Variants in PTH2R observed in about 807,000 individuals in gnomAD.
PTH2R encodes the protein parathyroid hormone 2 receptor.
A neutral mutation model predicts 60.3 loss-of-function variants in PTH2R; 59 were observed. The observed-to-expected ratio is 0.98, with a 90% CI of 0.79 to 1.22. PTH2R has a LOEUF of 1.22. Among genes scored for constraint, PTH2R ranks in the 50% most tolerant of loss-of-function variants. The pLI is 0.00. For missense variants in PTH2R, 749 were observed against 682.6 expected (o/e 1.10, Z -1.08); for synonymous variants, 256 against 243.8 (o/e 1.05, Z -0.47).
At chr2:208,377,485 C>T (rs1472076049) in intron 1 of PTH2R, among the ~76,000 whole-genome samples, 2 of 145,976 alleles carry the variant, frequency 1.4e-5, no homozygotes, top group Admixed American at 6.9e-5. Context: ...GATGGGGCGG[C>T]GGCTGGGTGG....
chr2:208,404,636 A>G (rs1437919680), upstream of PTH2R, among the ~76,000 whole-genome samples: 1 of 152,180 alleles, frequency 6.6e-6, no homozygotes, highest in Non-Finnish European at 1.5e-5. Flanking sequence ...GTTATTAGTA[A>G]TAACAACCTT....
At chr2:208,430,546 CTTT>C (rs760898660) in intron 2 of PTH2R, among the ~76,000 whole-genome samples, 1 of 118,220 alleles carries the variant, frequency 8.5e-6, no homozygotes, top group Non-Finnish European at 1.8e-5. Context: ...TGTCTGGCTT[CTTT>C]TTTTTTTTTT....
chr2:208,387,318 T>G (rs566904986), intron 1 of PTH2R, among the ~76,000 whole-genome samples: 34 of 152,342 alleles, frequency 2.2e-4, no homozygotes, highest in African/African-American at 7.7e-4. Flanking sequence ...AAACATGGTT[T>G]ATTTAAATCA....
intron 10 of PTH2R, among the ~76,000 whole-genome samples, chr2:208,488,071 A>T (rs1256480745): frequency 6.6e-6 from 1 of 152,230 alleles, no homozygotes; most frequent in Admixed American, 6.5e-5. Context: ...CCCACTTAGA[A>T]TAACCATCAT....
chr2:208,456,828 T>C (rs1327735127), intron 8 of PTH2R, among the ~76,000 whole-genome samples: 1 of 152,240 alleles, frequency 6.6e-6, no homozygotes, highest in Non-Finnish European at 1.5e-5. Context: ...AAGAATTAAC[T>C]AAAAACAAGC....
intron 1 of PTH2R, among the ~76,000 whole-genome samples, chr2:208,377,126 G>C (rs1408089398): frequency 6.6e-6 from 1 of 151,930 alleles, no homozygotes; most frequent in African/African-American, 2.4e-5. Flanking sequence ...CATCTTGCAT[G>C]GCCCTTAATC....
At chr2:208,389,125 C>T (rs1016182459) in intron 1 of PTH2R, among the ~76,000 whole-genome samples, 4 of 151,796 alleles carry the variant, frequency 2.6e-5, no homozygotes, top group Non-Finnish European at 4.4e-5. Flanking sequence ...CACAGTCAAG[C>T]TACAGGAAAA....
chr2:208,362,541 A>G (rs1358629855), intron 1 of PTH2R, among the ~76,000 whole-genome samples: 1 of 152,164 alleles, frequency 6.6e-6, no homozygotes, highest in Non-Finnish European at 1.5e-5. Context: ...ATAGATGCAG[A>G]GATATCATAT....
chr2:208,463,697 T>A (rs1191291039), intron 9 of PTH2R, among the ~76,000 whole-genome samples: 1 of 152,208 alleles, frequency 6.6e-6, no homozygotes, highest in Non-Finnish European at 1.5e-5. Context: ...TTTCTCCTAC[T>A]CCCTGCAACA....
At chr2:208,472,343 C>T (rs2105897973) in intron 9 of PTH2R, among the ~76,000 whole-genome samples, 1 of 152,222 alleles carries the variant, frequency 6.6e-6, no homozygotes, top group Admixed American at 6.5e-5. Context: ...GACAAAATGC[C>T]ACCAGTCTCT....
chr2:208,492,233 G>T (rs533292168), intron 12 of PTH2R, among the ~76,000 whole-genome samples: 53 of 152,334 alleles, frequency 3.5e-4, no homozygotes, highest in African/African-American at 1.2e-3. Context: ...TTAGGCTGCC[G>T]ATGCAGATTG....
intron 5 of PTH2R, 62 bp from the exon 6 acceptor site, chr2:208,443,286 C>T (rs762086349): frequency 4.2e-6 from 6 of 1,414,452 alleles, no homozygotes; most frequent in Admixed American, 2.4e-5. Context: ...AGCAGTCGCA[C>T]TGGGTGTTTC....
intron 4 of PTH2R, among the ~76,000 whole-genome samples, chr2:208,439,370 C>A (rs1162248478): frequency 2.0e-5 from 3 of 151,882 alleles, no homozygotes; most frequent in Non-Finnish European, 4.4e-5. Context: ...CTATTGTTTG[C>A]AACCTTTAAG....
intron 1 of PTH2R, chr2:208,361,473 C>A (rs955785096): frequency 1.3e-5 from 2 of 152,158 alleles, no homozygotes; most frequent in Non-Finnish European, 2.9e-5. Flanking sequence ...ATGCATAATG[C>A]AATTTTACCA....
At chr2:208,429,082 C>T (rs1199931210) in intron 2 of PTH2R, among the ~76,000 whole-genome samples, 1 of 30,342 alleles carries the variant, frequency 3.3e-5, no homozygotes, top group African/African-American at 9.9e-5. Context: ...GACTCTCTGT[C>T]TCAAAAAAAA....
Position 208,490,667 on chromosome 2 carries a change from A to G in PTH2R, c.1244A>G (p.Tyr415Cys). The G allele has an allele frequency of 6.2e-7, 1 of 1,609,668 alleles. No homozygotes were observed. The highest frequency in any genetic ancestry group is 8.5e-7 in the Non-Finnish European group (1 of 1,178,960). Residue 415 changes from tyrosine to cysteine, a missense_variant, in exon 12 of 13, where the codon TAC becomes TGC. By Grantham distance (194) the Tyr-to-Cys change is radical (BLOSUM62 -2). Coordinates refer to ENST00000272847, the MANE Select transcript of PTH2R (RefSeq NM_005048.4). ...TTCTTTGTGTCTATCATCTACTGCTACTGCAATGGAGAGGTAGGTTTGTAG... is the reference window on the plus strand; with the variant it reads ...TTCTTTGTGTCTATCATCTACTGCTGCTGCAATGGAGAGGTAGGTTTGTAG... ...QGFFVSIIYC[Y>C]CNGEVQAEVK...
At chr2:208,486,097 C>CA (rs1181558120) in intron 10 of PTH2R, among the ~76,000 whole-genome samples, 8 of 152,186 alleles carry the variant, frequency 5.3e-5, no homozygotes, top group Non-Finnish European at 1.5e-5. Flanking sequence ...GATAAGAATG[C>CA]AGCCAACACT....
intron 8 of PTH2R, among the ~76,000 whole-genome samples, chr2:208,452,763 C>T (rs1189361534): frequency 1.3e-5 from 2 of 152,174 alleles, no homozygotes; most frequent in Admixed American, 6.5e-5. Flanking sequence ...ATTCCAGGTA[C>T]TTCATAATTT....
chr2:208,409,717 T>C (rs747077713), intron 1 of PTH2R, among the ~76,000 whole-genome samples: 14 of 152,144 alleles, frequency 9.2e-5, no homozygotes, highest in Non-Finnish European at 1.6e-4. Context: ...TTCTGGTTGG[T>C]AAAGATATAC....
Sources: gnomAD v4.1 joint callset for allele counts (sites outside exome capture counted in the v4.1 genomes callset) on GRCh38, gnomAD v4.1.1 for gene constraint, MANE v1.5 for transcripts, NCBI Gene and HGNC (gene_info 2026-07-23, HGNC 2026-07-21) for gene names.